The following GDAP2 variants were observed in gnomAD, a reference collection of about 807,000 sequenced individuals.
GDAP2 encodes the protein ganglioside-induced differentiation-associated protein 2.
A neutral mutation model predicts 67.0 loss-of-function variants in GDAP2; 51 were observed. The ratio of observed to expected loss-of-function variants is 0.76; its 90% CI spans 0.61 to 0.96. The LOEUF (loss-of-function observed/expected upper bound fraction) is 0.96, where lower values mean the gene tolerates loss of function less well. Among genes scored for constraint, GDAP2 ranks in the 40% least tolerant of loss-of-function variants. The probability of loss-of-function intolerance (pLI) is 0.00; values close to 1 mark genes in which losing one functional copy is unlikely to be tolerated. For missense variants in GDAP2, 547 were observed against 588.3 expected (o/e 0.93, Z 0.73); for synonymous variants, 203 against 207.3 (o/e 0.98, Z 0.18).
intron 8 of GDAP2, among the ~76,000 whole-genome samples, chr1:117,888,161 T>A (rs554398260): frequency 6.6e-6 from 1 of 152,272 alleles, no homozygotes; most frequent in East Asian, 1.9e-4. Flanking sequence ...GCTCACTCAC[T>A]CAACAAGGAT....
At chr1:117,895,713 G>T (rs190610368) in intron 8 of GDAP2, among the ~76,000 whole-genome samples, 40 of 152,152 alleles carry the variant, frequency 2.6e-4, no homozygotes, top group African/African-American at 9.4e-4. Context: ...GTGCCCCCTA[G>T]TGGCTCATAC....
rs1648525697 is a variant in GDAP2 at position 117,878,066 on chromosome 1, A to G, written c.1389T>C (p.Ser463=). The change falls in exon 13 of 14, where the codon TCT becomes TCC. Residue 463 remains serine (S), a synonymous_variant. Transcript: ENST00000369443. The part of the protein sequence containing the change: ...HHVDSLHQLF[S]AISPEQIDFP... ...AGTCAATCTGTTCTGGTGATATGGCAGAAAACAGCTGGTGGAGGCTGTCCA... is the reference window on the plus strand; with the variant it reads ...AGTCAATCTGTTCTGGTGATATGGCGGAAAACAGCTGGTGGAGGCTGTCCA... 6.2e-7 allele frequency: 1 copy of G among 1,612,692 alleles called. No homozygotes were observed. The highest frequency in any genetic ancestry group is 1.3e-5 in the African/African-American group (1 of 75,026).
In GDAP2 at chr1:117,920,204, C is replaced by A. The variant is rs768348055; in HGVS notation, c.154G>T (p.Val52Phe). 2 of 1,601,448 alleles carry A rather than the reference C, an allele frequency of 1.2e-6. No homozygotes were observed. Among genetic ancestry groups the A allele is most frequent in the Non-Finnish European group, 1.7e-6 (2 of 1,170,962 alleles). Reference protein sequence around the residue: ...VRSPFLYNKDVNGKVVLWKGD... With the variant: ...VRSPFLYNKDFNGKVVLWKGD... ...TACCAAAGAACCACTTTTCCATTGA[C>A]GTCCTTATTATAAAGAAAAGGTGAT... Residue 52 changes from valine to phenylalanine, a missense_variant, in exon 2 of 14, where the codon GTC becomes TTC. Coordinates refer to ENST00000369443, the MANE Select transcript of GDAP2 (RefSeq NM_017686.4).
chr1:117,919,239 TGGCA>T (rs1336074946), intron 2 of GDAP2, among the ~76,000 whole-genome samples: 1 of 151,928 alleles, frequency 6.6e-6, no homozygotes, highest in Non-Finnish European at 1.5e-5. Flanking sequence ...CTGGGCATGG[TGGCA>T]GGCACCTGTA....
chr1:117,878,810 A>T (rs896175503), intron 12 of GDAP2, among the ~76,000 whole-genome samples: 10 of 152,226 alleles, frequency 6.6e-5, no homozygotes, highest in African/African-American at 2.4e-4. Flanking sequence ...TAAACTAGGT[A>T]ATGGCTTGAA....
Position 117,883,542 on chromosome 1 carries a change from T to C in GDAP2, c.1193A>G (p.Tyr398Cys), listed in dbSNP as rs774929926. The change falls in exon 11 of 14, where the codon TAC (tyrosine) becomes TGC (cysteine). Residue 398 changes from tyrosine to cysteine, a missense_variant. Physicochemically the swap from Tyr to Cys is radical, Grantham distance 194 (BLOSUM62 -2). Coordinates refer to ENST00000369443, the MANE Select transcript of GDAP2 (RefSeq NM_017686.4). ...LVYFHTLTSE[Y>C]NHLDSDFLKK... The stretch of plus-strand genomic sequence containing the variant: ...CAGGAAGTCGGAGTCCAGGTGATTG[T>C]ATTCGCTGGTCAGGGTGTGAAAATA... 2.5e-6 allele frequency: 4 copies of C among 1,610,458 alleles called. No individual in the cohort carries two copies. Among genetic ancestry groups the C allele is most frequent in the Non-Finnish European group, 3.4e-6 (4 of 1,176,906 alleles).
At chr1:117,871,519 A>C (rs1648288734) in intron 13 of GDAP2, among the ~76,000 whole-genome samples, 1 of 152,226 alleles carries the variant, frequency 6.6e-6, no homozygotes, top group Non-Finnish European at 1.5e-5. Flanking sequence ...AAGTAGAAGA[A>C]AATAGCATTT....
chr1:117,867,527 G>GAAAAAAAA lies in GDAP2; in HGVS notation c.*3034_*3041dup, dbSNP rs745964438. ...AACATGGTGAAACCCTGTCTCTACTGAAAAAAAAAAAAAAAAAAAAAAAAA... is the reference window on the plus strand; with the variant it reads ...AACATGGTGAAACCCTGTCTCTACTGAAAAAAAAAAAAAAAAAAAAAAAAAAAAAAAAA... On this transcript the variant is annotated 3_prime_UTR_variant, in exon 14 of 14. Coordinates refer to ENST00000369443, the MANE Select transcript of GDAP2 (RefSeq NM_017686.4). The GAAAAAAAA allele has an allele frequency of 2.5e-5, 2 of 80,048 alleles. No individual in the cohort carries two copies. Among genetic ancestry groups the GAAAAAAAA allele is most frequent in the African/African-American group, 9.5e-5 (2 of 21,148 alleles). 5.0% of individuals were successfully genotyped at this position (80,048 alleles called of 1,614,324 possible).
intron 11 of GDAP2, among the ~76,000 whole-genome samples, chr1:117,882,145 G>T (rs1648671487): frequency 2.0e-5 from 3 of 152,020 alleles, no homozygotes; most frequent in African/African-American, 7.2e-5. Flanking sequence ...TTGTATTTAA[G>T]AAACAAATTT....
At chr1:117,925,606 A>G (rs1435157862) in intron 1 of GDAP2, among the ~76,000 whole-genome samples, 1 of 152,206 alleles carries the variant, frequency 6.6e-6, no homozygotes, top group East Asian at 1.9e-4. Context: ...TTTAAGGTAA[A>G]TATTTCCACA....
At chr1:117,924,337 C>T (rs1410198949) in intron 1 of GDAP2, among the ~76,000 whole-genome samples, 7 of 152,094 alleles carry the variant, frequency 4.6e-5, no homozygotes, top group Non-Finnish European at 4.4e-5. Flanking sequence ...TTTGTGTCCA[C>T]GTGTTCTCAT....
intron 8 of GDAP2, among the ~76,000 whole-genome samples, chr1:117,893,821 A>T (rs1438944515): frequency 6.6e-6 from 1 of 152,180 alleles, no homozygotes; most frequent in Non-Finnish European, 1.5e-5. Context: ...TTTATAAATT[A>T]TTGAGGACCT....
chr1:117,918,820 C>A (rs770633832), intron 2 of GDAP2, 84 bp from the exon 3 acceptor site: 1 of 1,122,570 alleles, frequency 8.9e-7, no homozygotes, highest in Non-Finnish European at 1.3e-6. Flanking sequence ...ACATTTTATC[C>A]TTGTCTTTTT....
chr1:117,918,376 A>T (rs993658353), intron 3 of GDAP2, among the ~76,000 whole-genome samples: 1 of 152,242 alleles, frequency 6.6e-6, no homozygotes. Flanking sequence ...AGGACAAAGA[A>T]GTTTTACTGG....
At chr1:117,876,676 C>G (rs1557793818) in intron 13 of GDAP2, among the ~76,000 whole-genome samples, 1 of 152,100 alleles carries the variant, frequency 6.6e-6, no homozygotes, top group Non-Finnish European at 1.5e-5. Context: ...CCAAAATACA[C>G]AACCAAACAA....
In GDAP2 at chr1:117,866,812, C is replaced by A. The variant is rs1471639775; in HGVS notation, c.*3757G>T. ...GAGATTACAGTGAGCCGAGATCGTG[C>A]CATTGCACTCCAGCCTGGGTGACCA... is the stretch of plus-strand genomic sequence containing the variant. On this transcript the variant is annotated 3_prime_UTR_variant, in exon 14 of 14. Transcript: ENST00000369443. 1.3e-5 allele frequency: 2 copies of A among 150,536 alleles called. No individual in the cohort carries two copies. The highest frequency in any genetic ancestry group is 4.9e-5 in the African/African-American group (2 of 40,754). The allele number at this position is 150,536 out of a possible 1,614,324, so 9.3% of individuals were successfully genotyped here.
intron 6 of GDAP2, 78 bp downstream of exon 6, chr1:117,906,428 A>T: frequency 1.3e-6 from 1 of 747,034 alleles, no homozygotes; most frequent in South Asian, 1.6e-5. Context: ...GAAACTCAGT[A>T]AATATGTAGT....
At chr1:117,882,897 T>G (rs1270963021) in intron 11 of GDAP2, 1 of 152,170 alleles carries the variant, frequency 6.6e-6, no homozygotes, top group South Asian at 2.1e-4. Flanking sequence ...GTGCCACTTT[T>G]TATTCAGAAA....
chr1:117,901,883 G>A (rs565427163), intron 6 of GDAP2, among the ~76,000 whole-genome samples: 1 of 152,104 alleles, frequency 6.6e-6, no homozygotes, highest in South Asian at 2.1e-4. Flanking sequence ...TATTTCTCCT[G>A]GTCTAAATCA....
Sources: gnomAD v4.1 joint callset for allele counts (sites outside exome capture counted in the v4.1 genomes callset) on GRCh38, gnomAD v4.1.1 for gene constraint, MANE v1.5 for transcripts, NCBI Gene and HGNC (gene_info 2026-07-23, HGNC 2026-07-21) for gene names.